The following NTRK1 variants were observed in gnomAD, a reference collection of about 807,000 sequenced individuals.
NTRK1 encodes high affinity nerve growth factor receptor.
In NTRK1, 62 loss-of-function variants were observed where a neutral mutation model predicts 86.8. That is an observed-to-expected ratio of 0.71 (90% CI 0.58 to 0.88). NTRK1 has a LOEUF of 0.88. NTRK1 is among the 40% of genes least tolerant of loss of function. NTRK1 has a pLI of 0.00. For synonymous variants in NTRK1, 469 were observed against 456.6 expected, an observed-to-expected ratio of 1.03 and a Z score of -0.35; for missense variants, 967 against 1,078.4, an observed-to-expected ratio of 0.90 and a Z score of 1.45.
upstream of NTRK1, among the ~76,000 whole-genome samples, chr1:156,859,981 G>A (rs531425224): frequency 6.6e-6 from 1 of 152,232 alleles, no homozygotes; most frequent in Non-Finnish European, 1.5e-5. The surrounding 1 kb of genome is among the most constrained non-coding windows in gnomAD (Gnocchi z 6.2). Context: ...GGCCTCCAAG[G>A]TGCGCGGTCC....
At chr1:156,858,730 G>T, upstream of NTRK1, 1 of 860,668 alleles carries the variant, frequency 1.2e-6, no homozygotes, top group Non-Finnish European at 2.0e-6. Flanking sequence ...GATAGGAGAG[G>T]GAGGGCAGGG....
intron 2 of NTRK1, chr1:156,843,166 G>T: frequency 1.2e-6 from 2 of 1,614,076 alleles, no homozygotes; most frequent in African/African-American, 1.3e-5. Context: ...TCCCAAAAGA[G>T]CCCTGGCCCA....
At chr1:156,834,818 G>A (rs1331911627) in intron 1 of NTRK1, among the ~76,000 whole-genome samples, 2 of 37,834 alleles carry the variant, frequency 5.3e-5, no homozygotes, top group African/African-American at 8.4e-5. Context: ...CGGGGAGACG[G>A]GGGGTTGTAT....
chr1:156,862,618 C>G (rs1270873536), intron 1 of NTRK1, among the ~76,000 whole-genome samples: 2 of 152,184 alleles, frequency 1.3e-5, no homozygotes, highest in African/African-American at 4.8e-5. Context: ...ACAGCCCCCT[C>G]CCTCCTCACT....
At chr1:156,818,927 T>G (rs916262150) in intron 1 of NTRK1, among the ~76,000 whole-genome samples, 2 of 152,238 alleles carry the variant, frequency 1.3e-5, no homozygotes, top group African/African-American at 4.8e-5. Context: ...TTTACTAATT[T>G]ACATTCCCAC....
At chr1:156,844,413 C>T in intron 2 of NTRK1, 1 of 1,590,504 alleles carries the variant, frequency 6.3e-7, no homozygotes, top group Middle Eastern at 1.7e-4. Flanking sequence ...GGCTGGGGAC[C>T]AGGTAGGGCT....
chr1:156,845,580 A>T, intron 2 of NTRK1: 1 of 468,748 alleles, frequency 2.1e-6, no homozygotes. Context: ...CACAGGCCCC[A>T]CTCATCAGAC....
In NTRK1 at chr1:156,842,417, G is replaced by A. The variant is rs971089803; in HGVS notation, c.50+224G>A. The A allele has an allele frequency of 1.9e-6, 3 of 1,614,072 alleles. No individual in the cohort carries two copies. The East Asian group carries it at 6.7e-5, about 36-fold the overall frequency. ...CCCTACCTCTGCCTCAGGCCGCAAA[G>A]ATCGAAGATGGCTCTTGAGGTCCCC... is the stretch of plus-strand genomic sequence containing the variant. On this transcript the variant is annotated intron_variant, in intron 2 of 16. Transcript: ENST00000392302.
At chr1:156,828,639 G>C (rs1553257204) in intron 1 of NTRK1, among the ~76,000 whole-genome samples, 1 of 152,242 alleles carries the variant, frequency 6.6e-6, no homozygotes, top group Non-Finnish European at 1.5e-5. Flanking sequence ...AGGATGATGA[G>C]GAAGAAGGAG....
chr1:156,851,659 G>T, intron 2 of NTRK1: 2 of 1,614,198 alleles, frequency 1.2e-6, no homozygotes, highest in Non-Finnish European at 1.7e-6. Context: ...CCTGGCGAAG[G>T]TTGAGGATGA....
At chr1:156,829,597 A>C (rs1654412775) in intron 1 of NTRK1, among the ~76,000 whole-genome samples, 1 of 152,076 alleles carries the variant, frequency 6.6e-6, no homozygotes, top group African/African-American at 2.4e-5. Flanking sequence ...CACTATAAGG[A>C]GGAGGACTGC....
At chr1:156,821,447 T>G (rs1654186289) in intron 1 of NTRK1, among the ~76,000 whole-genome samples, 1 of 147,660 alleles carries the variant, frequency 6.8e-6, no homozygotes, top group Non-Finnish European at 1.5e-5. Context: ...GGCCCCCTAA[T>G]TTAGCCTGTG....
chr1:156,822,609 G>GAGA (rs1553256864), intron 1 of NTRK1, among the ~76,000 whole-genome samples: 5 of 81,306 alleles, frequency 6.1e-5, no homozygotes, highest in African/African-American at 1.6e-4. Context: ...TAAAAGATTA[G>GAGA]AAAAAAAAAA....
In NTRK1 at chr1:156,874,457, G is replaced by A. The variant is rs375098653; in HGVS notation, c.1195+57G>A. 15 of 1,613,382 alleles carry A rather than the reference G, an allele frequency of 9.3e-6. No homozygotes were observed. The African/African-American group carries it at 1.9e-4, about 20-fold the overall frequency. ...CCTGGTCTCTGGAGCTGAGGCTGGG[G>A]CAGAGGGTACAGCTGAACTGATCCC... On this transcript the variant is annotated intron_variant, in intron 9 of 16. Coordinates refer to ENST00000524377, the MANE Select transcript of NTRK1 (RefSeq NM_002529.4).
chr1:156,816,090 A>T (rs1301815909), intron 1 of NTRK1: 1 of 1,612,108 alleles, frequency 6.2e-7, no homozygotes, highest in African/African-American at 1.3e-5. Flanking sequence ...GGGCTTCGTG[A>T]CTCCCTGTGA....
chr1:156,827,364 G>C (rs967121652), intron 1 of NTRK1, among the ~76,000 whole-genome samples: 1 of 151,962 alleles, frequency 6.6e-6, no homozygotes, highest in East Asian at 1.9e-4. Flanking sequence ...CAGGTTCTAA[G>C]GGATTCTTTT....
intron 15 of NTRK1, among the ~76,000 whole-genome samples, chr1:156,879,671 A>G (rs1238847498): frequency 6.6e-6 from 1 of 152,066 alleles, no homozygotes; most frequent in Non-Finnish European, 1.5e-5. Flanking sequence ...GTGCAGTGGC[A>G]CGATCTCGGC....
upstream of NTRK1, among the ~76,000 whole-genome samples, chr1:156,857,163 A>ATGTGTGTGTG (rs57324546): frequency 6.5e-4 from 85 of 130,636 alleles, 1 homozygote; most frequent in African/African-American, 1.9e-3. Context: ...GCAGCTGTGT[A>ATGTGTGTGTG]TGTGTGTGTG....
intron 1 of NTRK1, chr1:156,840,902 T>C: frequency 6.2e-7 from 1 of 1,613,932 alleles, no homozygotes; most frequent in Non-Finnish European, 8.5e-7. Flanking sequence ...TTTTGAGGGC[T>C]GCAGTCTCTT....
Sources: allele counts gnomAD v4.1 joint callset (sites outside exome capture counted in the v4.1 genomes callset), GRCh38; gene constraint gnomAD v4.1.1; non-coding constraint Gnocchi (gnomAD v3.1); transcripts MANE v1.5; gene names NCBI Gene and HGNC (gene_info 2026-07-23, HGNC 2026-07-21).